Variants in AFF4 observed in about 807,000 individuals in gnomAD.
AFF4 encodes AF4/FMR2 family member 4.
AFF4 carries 13 observed loss-of-function variants against 124.8 expected under a neutral mutation model. The ratio of observed to expected loss-of-function variants is 0.10; its 90% CI spans 0.07 to 0.17. The LOEUF is 0.17. Among genes scored for constraint, AFF4 ranks in the 10% least tolerant of loss-of-function variants. The pLI, the probability that AFF4 is intolerant of heterozygous loss-of-function variation, is 1.00. For missense variants in AFF4, 1,092 were observed against 1,403.8 expected, an observed-to-expected ratio of 0.78 and a Z score of 3.55; for synonymous variants, 477 against 496.1, an observed-to-expected ratio of 0.96 and a Z score of 0.51.
intron 1 of AFF4, among the ~76,000 whole-genome samples, chr5:132,955,795 A>AAATAT (rs1554079227): frequency 1.3e-4 from 15 of 117,550 alleles, no homozygotes; most frequent in African/African-American, 1.8e-4. Context: ...AAAAAAAAAA[A>AAATAT]ATATATATAT....
intron 20 of AFF4, among the ~76,000 whole-genome samples, chr5:132,881,578 C>A (rs557464002): frequency 7.3e-4 from 111 of 152,364 alleles, no homozygotes; most frequent in African/African-American, 2.5e-3. Flanking sequence ...GGAGGACATT[C>A]TTTGCCTGTT....
At chr5:132,949,540 G>A (rs1212812832) in intron 1 of AFF4, among the ~76,000 whole-genome samples, 4 of 151,776 alleles carry the variant, frequency 2.6e-5, no homozygotes, top group Admixed American at 2.0e-4. Context: ...GGCCAGGCAC[G>A]GTGCCTCAAG....
At position 132,880,272 on chromosome 5, in the gene AFF4, T is replaced by G; in HGVS notation, c.*787A>C. 2.5e-6 allele frequency: 1 copy of G among 398,996 alleles called. No homozygotes were observed. The highest frequency in any genetic ancestry group is 4.4e-6 in the Non-Finnish European group (1 of 226,022). The allele number at this position is 398,996 out of a possible 1,614,324, so 24.7% of individuals were successfully genotyped here. On this transcript the variant is annotated 3_prime_UTR_variant, in exon 21 of 21. Coordinates refer to ENST00000265343, the MANE Select transcript of AFF4 (RefSeq NM_014423.4). ...TATGAAACCCTTCAACATGAAATGC[T>G]TCTTCTAGAAAGTTTGTCCTCCCTC...
Position 132,887,505 on chromosome 5 carries a change from A to G in AFF4, c.3005+16T>C, listed in dbSNP as rs751365050. 6.2e-6 allele frequency: 10 copies of G among 1,609,000 alleles called. No individual in the cohort carries two copies. In the East Asian group the frequency reaches 1.8e-4, roughly 29 times the overall value. ...ACTTCCTGTATCTAGCAGAGGCTAGAACACAGAAAACTCACCAAAGTACTG... is the reference window on the plus strand; with the variant it reads ...ACTTCCTGTATCTAGCAGAGGCTAGGACACAGAAAACTCACCAAAGTACTG... On this transcript the variant is annotated intron_variant, in intron 17 of 20. Coordinates refer to ENST00000265343, the MANE Select transcript of AFF4 (RefSeq NM_014423.4).
chr5:132,947,813 C>G (rs975317262), intron 1 of AFF4, among the ~76,000 whole-genome samples: 2 of 152,134 alleles, frequency 1.3e-5, no homozygotes, highest in East Asian at 3.9e-4. Context: ...ACCTACAGAT[C>G]AAAGCCAATA....
intron 1 of AFF4, among the ~76,000 whole-genome samples, chr5:132,938,968 ATTTAATGTTTAG>A: frequency 7.2e-6 from 1 of 138,332 alleles, no homozygotes; most frequent in Admixed American, 7.4e-5. Context: ...AAAAAAGGCA[ATTTAATGTTTAG>A]AAAAAAAAAA....
chr5:132,887,457 C>G, intron 17 of AFF4, 64 bp downstream of exon 17: 3 of 1,405,564 alleles, frequency 2.1e-6, no homozygotes, highest in Non-Finnish European at 1.0e-6. Flanking sequence ...CAGAAGAGCA[C>G]ACACAGCACT....
intron 1 of AFF4, among the ~76,000 whole-genome samples, chr5:132,962,164 G>A (rs1432795442): frequency 6.6e-6 from 1 of 152,196 alleles, no homozygotes; most frequent in Non-Finnish European, 1.5e-5. Flanking sequence ...ATAAGTTAAA[G>A]ACCAGTTAAG....
chr5:132,917,051 GC>G (rs1760929545), intron 5 of AFF4, among the ~76,000 whole-genome samples: 1 of 152,092 alleles, frequency 6.6e-6, no homozygotes, highest in Admixed American at 6.6e-5. Context: ...CTCCCGAGTA[GC>G]TGGGATTACA....
chr5:132,910,580 T>C (rs900786991), intron 5 of AFF4, among the ~76,000 whole-genome samples: 19 of 152,306 alleles, frequency 1.2e-4, no homozygotes, highest in Middle Eastern at 6.8e-3. Flanking sequence ...CTTTTAGGTA[T>C]ATTACACATG....
At chr5:132,918,888 GTTTT>G (rs34475797) in intron 5 of AFF4, among the ~76,000 whole-genome samples, 1 of 138,708 alleles carries the variant, frequency 7.2e-6, no homozygotes, top group Non-Finnish European at 1.6e-5. Flanking sequence ...TTGTTTGTTT[GTTTT>G]TTTTTTTTTT....
chr5:132,934,622 C>T lies in AFF4; in HGVS notation c.443G>A (p.Gly148Asp). 1 of 1,614,140 alleles carries T rather than the reference C, an allele frequency of 6.2e-7. No homozygotes were observed. Among genetic ancestry groups the T allele is most frequent in the Non-Finnish European group, 8.5e-7 (1 of 1,180,028 alleles). Residue 148 changes from glycine (G) to aspartate (D), a missense_variant, in exon 3 of 21, where the codon GGT becomes GAT. By Grantham distance (94) the Gly-to-Asp change is moderately conservative. Around this residue, in one of 11 missense-constraint regions of AFF4, gnomAD observed 188 missense variants for 203.0 expected, o/e 0.93. Transcript: ENST00000265343. ...AGSSSGTNSS[G>D]QRHDRESYNN... ...ATATGACTCACGGTCGTGCCTCTGACCACTACTGTTAGTGCCACTACTGCT... is the reference window on the plus strand; with the variant it reads ...ATATGACTCACGGTCGTGCCTCTGATCACTACTGTTAGTGCCACTACTGCT...
chr5:132,932,222 C>T lies in AFF4; in HGVS notation c.919G>A (p.Ala307Thr). The T allele has an allele frequency of 1.2e-6, 2 of 1,603,878 alleles. No homozygotes were observed. The highest frequency in any genetic ancestry group is 2.2e-5 in the East Asian group (1 of 44,578). Reference protein sequence around the residue: ...KLKIPSQPLDASASGDVSCVD... With the variant: ...KLKIPSQPLDTSASGDVSCVD... ...CAGCTCACATCACCAGAAGCTGATG[C>T]CTTGAAAGAAAAAGCAGCACACATT... The change falls in exon 4 of 21, where the codon GCA becomes ACA. Residue 307 changes from alanine to threonine, a missense_variant and splice_region_variant. By Grantham distance (58) the Ala-to-Thr change is moderately conservative. This residue lies in a region of AFF4 where 148 missense variants were observed against 196.3 expected (regional missense o/e 0.75). Coordinates refer to ENST00000265343, the MANE Select transcript of AFF4 (RefSeq NM_014423.4).
chr5:132,903,610 G>C (rs960076831), intron 6 of AFF4, among the ~76,000 whole-genome samples: 14 of 152,146 alleles, frequency 9.2e-5, no homozygotes, highest in Non-Finnish European at 1.6e-4. Context: ...AAGAGAGTAA[G>C]GGTAAAGGTG....
At chr5:132,958,327 A>G (rs1258899146) in intron 1 of AFF4, among the ~76,000 whole-genome samples, 3 of 151,956 alleles carry the variant, frequency 2.0e-5, no homozygotes, top group African/African-American at 7.3e-5. Flanking sequence ...TTAGCAGGGC[A>G]TGGTGGTGCA....
intron 4 of AFF4, among the ~76,000 whole-genome samples, chr5:132,928,837 A>T (rs1331546526): frequency 6.6e-6 from 1 of 152,150 alleles, no homozygotes; most frequent in Non-Finnish European, 1.5e-5. Context: ...TTACTACTTG[A>T]ACCTCTTAAA....
intron 5 of AFF4, among the ~76,000 whole-genome samples, chr5:132,919,309 C>A (rs1427857076): frequency 1.3e-5 from 2 of 152,188 alleles, no homozygotes; most frequent in Non-Finnish European, 2.9e-5. Flanking sequence ...ATCATCAAGA[C>A]AGGCTCATAT....
At chr5:132,938,149 CA>C (rs1261748874) in intron 1 of AFF4, among the ~76,000 whole-genome samples, 2 of 150,466 alleles carry the variant, frequency 1.3e-5, no homozygotes, top group Non-Finnish European at 3.0e-5. Flanking sequence ...CAGAAAGAAA[CA>C]ATCAGGTTAT....
Position 132,886,407 on chromosome 5 carries a change from G to A in AFF4, c.3006-4C>T. ...CAGCAAAGACTCGCATCGCAGGCTAGCCAATGGAAAAGGGCGGCTTATTTA... is the reference window on the plus strand; with the variant it reads ...CAGCAAAGACTCGCATCGCAGGCTAACCAATGGAAAAGGGCGGCTTATTTA... On this transcript the variant is annotated splice_region_variant and splice_polypyrimidine_tract_variant and intron_variant, in intron 17 of 20. Coordinates refer to ENST00000265343, the MANE Select transcript of AFF4 (RefSeq NM_014423.4). The A allele has an allele frequency of 6.2e-7, 1 of 1,613,346 alleles. No homozygotes were observed. The highest frequency in any genetic ancestry group is 1.7e-4 in the Middle Eastern group (1 of 5,890).
Sources: gnomAD v4.1 joint callset for allele counts (sites outside exome capture counted in the v4.1 genomes callset) on GRCh38, gnomAD v4.1.1 for gene constraint, gnomAD v4.1.1 regional missense constraint, MANE v1.5 for transcripts, NCBI Gene and HGNC (gene_info 2026-07-23, HGNC 2026-07-21) for gene names.